GRIA4: variants seen among roughly 807,000 people sequenced by gnomAD.
GRIA4 encodes the protein glutamate receptor 4.
A neutral mutation model predicts 104.0 loss-of-function variants in GRIA4; 34 were observed. That is an observed-to-expected ratio of 0.33 (90% confidence interval 0.25 to 0.44). The LOEUF is 0.44. Ranked by LOEUF, GRIA4 falls within the 20% of genes least tolerant of loss-of-function variation. The pLI is 1.00. For synonymous variants in GRIA4, 386 were observed against 381.9 expected (o/e 1.01, Z -0.13); for missense variants, 750 against 1,096.5 (o/e 0.68, Z 4.46).
intron 14 of GRIA4, among the ~76,000 whole-genome samples, chr11:105,961,387 C>T (rs970210890): frequency 2.0e-5 from 3 of 152,242 alleles, no homozygotes; most frequent in African/African-American, 4.8e-5. Flanking sequence ...CTTTTTGTCA[C>T]ACAATTTTTA....
At chr11:105,713,942 T>C (rs927012686) in intron 3 of GRIA4, among the ~76,000 whole-genome samples, 1 of 152,152 alleles carries the variant, frequency 6.6e-6, no homozygotes, top group Non-Finnish European at 1.5e-5. Context: ...GGCTCTTCAG[T>C]GAGTACAGCT....
chr11:105,681,836 G>C (rs551783509), intron 3 of GRIA4, among the ~76,000 whole-genome samples: 70 of 152,254 alleles, frequency 4.6e-4, no homozygotes, highest in African/African-American at 1.6e-3. Flanking sequence ...GAGGTCAGGA[G>C]TTCAAAACCA....
intron 3 of GRIA4, among the ~76,000 whole-genome samples, chr11:105,723,019 T>G (rs1168043567): frequency 6.6e-6 from 1 of 152,116 alleles, no homozygotes. Context: ...TCAGTTTTAG[T>G]GATCCCACAA....
chr11:105,639,454 T>C (rs927788628), intron 3 of GRIA4, among the ~76,000 whole-genome samples: 2 of 151,904 alleles, frequency 1.3e-5, no homozygotes, highest in African/African-American at 4.8e-5. Flanking sequence ...ATGACTAGAG[T>C]CAATTATTTC....
intron 4 of GRIA4, among the ~76,000 whole-genome samples, chr11:105,821,044 T>C (rs1277358268): frequency 1.3e-5 from 2 of 152,140 alleles, no homozygotes; most frequent in Non-Finnish European, 2.9e-5. Context: ...TGACCTCTCT[T>C]CCTCACTCTC....
chr11:105,910,417 A>G lies in GRIA4; in HGVS notation c.1159-18A>G, dbSNP rs759976037. ...ATGCTTCTAAAATATGTTTTCAAGC[A>G]TGTTCTCTATTTGGCAGGTTGGTTA... On this transcript the variant is annotated intron_variant, in intron 9 of 16. Coordinates refer to ENST00000282499, the MANE Select transcript of GRIA4 (RefSeq NM_000829.4). The G allele has an allele frequency of 8.5e-7, 1 of 1,173,270 alleles. No individual in the cohort carries two copies. The highest frequency in any genetic ancestry group is 1.3e-6 in the Non-Finnish European group (1 of 777,592). 72.7% of individuals were successfully genotyped at this position (1,173,270 alleles called of 1,614,324 possible). A position where few individuals can be genotyped will look rare whatever the true frequency, so the allele number is the denominator to read the frequency against.
Position 105,655,244 on chromosome 11 carries a change from TATC to T in GRIA4, c.247+42816_247+42818del, listed in dbSNP as rs370854530. 2.1e-3 allele frequency among the ~76,000 whole-genome samples: 321 copies of T among 152,316 alleles called. 1 individual carries two copies. Among genetic ancestry groups the T allele is most frequent in the African/African-American group, 7.0e-3 (291 of 41,572 alleles). On this transcript the variant is annotated intron_variant, in intron 3 of 16. Transcript: ENST00000282499. The stretch of plus-strand genomic sequence containing the variant: ...GAATATAACAAAGTTCTTTGTTTCA[TATC>T]ATCATTTTGGATATTATCACTTGAG...
chr11:105,866,830 T>C (rs893034950), intron 5 of GRIA4, among the ~76,000 whole-genome samples: 6 of 151,928 alleles, frequency 3.9e-5, no homozygotes, highest in Admixed American at 1.3e-4. Flanking sequence ...AGGCATTTGA[T>C]AGAAAACTAG....
chr11:105,634,259 A>G (rs918121145), intron 3 of GRIA4, among the ~76,000 whole-genome samples: 2 of 151,574 alleles, frequency 1.3e-5, no homozygotes, highest in Non-Finnish European at 2.9e-5. Context: ...AGGCAGGAGA[A>G]TCACTTGAAC....
At chr11:105,788,587 T>A (rs1004375169) in intron 4 of GRIA4, among the ~76,000 whole-genome samples, 2 of 152,182 alleles carry the variant, frequency 1.3e-5, no homozygotes, top group Non-Finnish European at 2.9e-5. Flanking sequence ...AATCATTTCA[T>A]TATAGCCACA....
chr11:105,824,909 G>A (rs1431898355), intron 4 of GRIA4: 4 of 152,018 alleles, frequency 2.6e-5, no homozygotes, highest in East Asian at 3.9e-4. Flanking sequence ...AGGGAGCAAC[G>A]GTAGCCATCC....
chr11:105,732,079 G>C (rs533980956), intron 3 of GRIA4, among the ~76,000 whole-genome samples: 1 of 152,260 alleles, frequency 6.6e-6, no homozygotes, highest in East Asian at 1.9e-4. Context: ...ACTCTAAGCT[G>C]TCCAGTAATA....
In GRIA4 at chr11:105,980,370, T is replaced by G. The variant is rs1198089871; in HGVS notation, c.*631T>G. 1 of 152,684 alleles carries G rather than the reference T, an allele frequency of 6.5e-6. No homozygotes were observed. Among genetic ancestry groups the G allele is most frequent in the Non-Finnish European group, 1.5e-5 (1 of 68,048 alleles). 9.5% of individuals were successfully genotyped at this position (152,684 alleles called of 1,614,324 possible). ...AGTAGAGGACAACACAATTCTTTTT[T>G]CTAACCATCTTAGGGAACAATACAT... On this transcript the variant is annotated 3_prime_UTR_variant, in exon 17 of 17. Coordinates refer to ENST00000282499, the MANE Select transcript of GRIA4 (RefSeq NM_000829.4).
chr11:105,772,144 T>C (rs538986217), intron 4 of GRIA4, among the ~76,000 whole-genome samples: 1 of 152,258 alleles, frequency 6.6e-6, no homozygotes, highest in Non-Finnish European at 1.5e-5. Flanking sequence ...CATCTCTACC[T>C]AAACAGCACA....
At chr11:105,634,387 AGAAG>A (rs539258523) in intron 3 of GRIA4, among the ~76,000 whole-genome samples, 7 of 148,802 alleles carry the variant, frequency 4.7e-5, no homozygotes, top group South Asian at 2.1e-4. Context: ...AAAGAAGGAA[AGAAG>A]GAAGGAAGGA....
At chr11:105,755,803 C>CTTGA (rs1464378068) in intron 4 of GRIA4, among the ~76,000 whole-genome samples, 1 of 152,158 alleles carries the variant, frequency 6.6e-6, no homozygotes, top group East Asian at 1.9e-4. Context: ...GTTCTCTGTG[C>CTTGA]TTGAGCTGGA....
chr11:105,839,298 C>G (rs661329), intron 4 of GRIA4, among the ~76,000 whole-genome samples: 85,900 of 151,898 alleles, frequency 0.57, 25,346 homozygotes, highest in African/African-American at 0.76. Flanking sequence ...CTTTGATGTA[C>G]TGTGAGCTGT....
At position 105,845,598 on chromosome 11, in the gene GRIA4, C is replaced by A. The variant is rs569173182; in HGVS notation, c.488-16426C>A. ...AAAAGTATGGATAAAAATACCTATC[C>A]CAGGCCGGGCACGGTGGCTCACGCC... On this transcript the variant is annotated intron_variant, in intron 4 of 16. Transcript: ENST00000282499. Among the ~76,000 whole-genome samples, 4 of 152,228 alleles carry A rather than the reference C, an allele frequency of 2.6e-5. No homozygotes were observed. The East Asian group carries it at 7.7e-4, about 29-fold the overall frequency.
chr11:105,750,785 A>G (rs1429909917), intron 3 of GRIA4, among the ~76,000 whole-genome samples: 1 of 152,140 alleles, frequency 6.6e-6, no homozygotes, highest in African/African-American at 2.4e-5. Flanking sequence ...AATATTTAAA[A>G]TAGATGAAAG....
Sources: gnomAD v4.1 joint callset for allele counts (sites outside exome capture counted in the v4.1 genomes callset) on GRCh38, gnomAD v4.1.1 for gene constraint, MANE v1.5 for transcripts, NCBI Gene and HGNC (gene_info 2026-07-23, HGNC 2026-07-21) for gene names.